The following MARCHF1 variants were observed in gnomAD, a reference collection of about 807,000 sequenced individuals.
MARCHF1 encodes membrane associated ring-CH-type finger 1.
Under a neutral mutation model 54.2 loss-of-function variants are expected in MARCHF1, and 40 were observed. The observed-to-expected ratio is 0.74, with a 90% CI of 0.57 to 0.96. The LOEUF is 0.96. Ranked by LOEUF, MARCHF1 falls within the 40% of genes least tolerant of loss-of-function variation. The pLI is 0.00. For synonymous variants in MARCHF1, 236 were observed against 236.3 expected, an observed-to-expected ratio of 1.00 and a Z score of 0.01; for missense variants, 586 against 656.5, an observed-to-expected ratio of 0.89 and a Z score of 1.17.
chr4:164,094,151 T>C (rs541205489), intron 2 of MARCHF1, among the ~76,000 whole-genome samples: 1 of 152,072 alleles, frequency 6.6e-6, no homozygotes, highest in Non-Finnish European at 1.5e-5. Context: ...CTGTAAGAAG[T>C]GGATGGACGT....
chr4:163,823,353 T>C (rs1368492189), intron 4 of MARCHF1, among the ~76,000 whole-genome samples: 1 of 151,854 alleles, frequency 6.6e-6, no homozygotes, highest in Non-Finnish European at 1.5e-5. Flanking sequence ...GATAGAATCA[T>C]AATTTGTAAA....
At chr4:163,682,246 C>T (rs969621746) in intron 5 of MARCHF1, among the ~76,000 whole-genome samples, 5 of 152,040 alleles carry the variant, frequency 3.3e-5, no homozygotes, top group Non-Finnish European at 5.9e-5. Context: ...GCAAAGTATT[C>T]GAGAGGAAAC....
intron 1 of MARCHF1, among the ~76,000 whole-genome samples, chr4:164,209,390 C>T (rs1041449688): frequency 6.6e-6 from 1 of 152,152 alleles, no homozygotes; most frequent in African/African-American, 2.4e-5. Flanking sequence ...TTCTTATGGC[C>T]CAGGGCTGGA....
At chr4:163,842,912 T>G (rs556038132) in intron 4 of MARCHF1, among the ~76,000 whole-genome samples, 1 of 152,266 alleles carries the variant, frequency 6.6e-6, no homozygotes, top group African/African-American at 2.4e-5. Context: ...GTGTGTTACA[T>G]GGGTAAATTG....
chr4:164,264,845 A>G (rs2111289635), intron 1 of MARCHF1, among the ~76,000 whole-genome samples: 1 of 151,400 alleles, frequency 6.6e-6, no homozygotes, highest in Middle Eastern at 3.4e-3. Flanking sequence ...CCTTGAACCC[A>G]GGAGGTGGAG....
intron 4 of MARCHF1, among the ~76,000 whole-genome samples, chr4:163,753,935 ATTGT>A (rs898133356): frequency 1.1e-4 from 16 of 152,178 alleles, no homozygotes; most frequent in African/African-American, 3.9e-4. Context: ...AGAGGAAAAG[ATTGT>A]TTGTGAGCAA....
At chr4:164,106,213 C>A (rs1477491338) in intron 2 of MARCHF1, among the ~76,000 whole-genome samples, 1 of 137,874 alleles carries the variant, frequency 7.3e-6, no homozygotes, top group Non-Finnish European at 1.5e-5. Flanking sequence ...TGTGGCGATT[C>A]CTCAGGGATC....
chr4:164,186,350 T>C (rs532677068), intron 1 of MARCHF1, among the ~76,000 whole-genome samples: 122 of 152,352 alleles, frequency 8.0e-4, no homozygotes, highest in Non-Finnish European at 1.5e-3. Context: ...AAAAAACCTG[T>C]CATCCTCAAA....
rs1390925603 is a variant in MARCHF1, at chr4:163,526,368, C to G, written c.*2380G>C. ...TTAAAGTAAATAATTATTTTACTTT[C>G]AGAGCAAACAAAAGAGAAATCAACA... is the stretch of plus-strand genomic sequence containing the variant. On this transcript the variant is annotated 3_prime_UTR_variant, in exon 10 of 10. Transcript: ENST00000514618. 6.7e-6 allele frequency: 1 copy of G among 148,722 alleles called. No individual in the cohort carries two copies. 9.2% of individuals were successfully genotyped at this position (148,722 alleles called of 1,614,324 possible). A position where few individuals can be genotyped will look rare whatever the true frequency, so the allele number is the denominator to read the frequency against.
intron 4 of MARCHF1, among the ~76,000 whole-genome samples, chr4:163,779,853 C>T (rs1016813227): frequency 6.6e-6 from 1 of 151,786 alleles, no homozygotes; most frequent in Non-Finnish European, 1.5e-5. Flanking sequence ...TTACATAGAT[C>T]CATCCCCTGG....
intron 4 of MARCHF1, among the ~76,000 whole-genome samples, chr4:163,800,335 T>C (rs1157274948): frequency 6.6e-6 from 1 of 151,954 alleles, no homozygotes; most frequent in Non-Finnish European, 1.5e-5. Flanking sequence ...AAACATTTAA[T>C]TATATATTAT....
chr4:164,269,061 A>G (rs568040161), intron 1 of MARCHF1, among the ~76,000 whole-genome samples: 259 of 152,198 alleles, frequency 1.7e-3, no homozygotes, highest in Non-Finnish European at 2.9e-3. Flanking sequence ...CTTTCTTTGC[A>G]CTATTGTTAG....
chr4:164,161,450 G>A (rs1380143827), intron 1 of MARCHF1, among the ~76,000 whole-genome samples: 1 of 152,046 alleles, frequency 6.6e-6, no homozygotes, highest in Non-Finnish European at 1.5e-5. Flanking sequence ...TAATAGCAAT[G>A]TGAGGACAGA....
intron 1 of MARCHF1, among the ~76,000 whole-genome samples, chr4:164,255,390 TAA>T (rs3060483): frequency 0.13 from 16,602 of 132,098 alleles, 1,446 homozygotes; most frequent in African/African-American, 0.26. Flanking sequence ...GCAAGAAAGA[TAA>T]AAAAAAAAAA....
chr4:163,826,684 A>T (rs1341118223), intron 4 of MARCHF1, among the ~76,000 whole-genome samples: 3 of 152,074 alleles, frequency 2.0e-5, no homozygotes, highest in African/African-American at 7.2e-5. Flanking sequence ...AATGATTATA[A>T]AATATGATGA....
chr4:163,563,823 A>G (rs1739553814), intron 8 of MARCHF1, among the ~76,000 whole-genome samples: 1 of 152,212 alleles, frequency 6.6e-6, no homozygotes, highest in South Asian at 2.1e-4. Context: ...TCATTAACAT[A>G]GTGGATCTTA....
chr4:164,333,993 TTC>T (rs2110815040), intron 1 of MARCHF1, among the ~76,000 whole-genome samples: 1 of 152,290 alleles, frequency 6.6e-6, no homozygotes, highest in African/African-American at 2.4e-5. Context: ...ATGGCCCTGA[TTC>T]TCTCCAATTC....
chr4:164,154,424 T>C (rs373375117), intron 1 of MARCHF1, among the ~76,000 whole-genome samples: 1 of 152,226 alleles, frequency 6.6e-6, no homozygotes. Flanking sequence ...AGTGACATCA[T>C]GTGATTAACT....
At chr4:164,031,493 G>C (rs4267696) in intron 2 of MARCHF1, among the ~76,000 whole-genome samples, 1 of 151,278 alleles carries the variant, frequency 6.6e-6, no homozygotes, top group Non-Finnish European at 1.5e-5. Flanking sequence ...TTATTATTTT[G>C]AAATATGGTC....
Sources: gnomAD v4.1 joint callset for allele counts (sites outside exome capture counted in the v4.1 genomes callset) on GRCh38, gnomAD v4.1.1 for gene constraint, MANE v1.5 for transcripts, NCBI Gene and HGNC (gene_info 2026-07-23, HGNC 2026-07-21) for gene names.